GPHN: variants seen among roughly 807,000 people sequenced by gnomAD.
GPHN encodes the protein gephyrin.
A neutral mutation model predicts 95.5 loss-of-function variants in GPHN; 17 were observed. The ratio of observed to expected loss-of-function variants is 0.18; its 90% confidence interval spans 0.12 to 0.27. The LOEUF is 0.27. Ranked by LOEUF, GPHN falls within the 10% of genes least tolerant of loss-of-function variation. GPHN has a pLI of 1.00. For missense variants in GPHN, 660 were observed against 978.1 expected, an observed-to-expected ratio of 0.67 and a Z score of 4.34; for synonymous variants, 320 against 322.5, an observed-to-expected ratio of 0.99 and a Z score of 0.08.
At chr14:66,622,084 C>T (rs1050236840) in intron 1 of GPHN, among the ~76,000 whole-genome samples, 1 of 152,216 alleles carries the variant, frequency 6.6e-6, no homozygotes, top group Non-Finnish European at 1.5e-5. Context: ...CAGCAAACTT[C>T]TGCCTGGACA....
At chr14:67,160,161 A>G (rs1178036247) in intron 19 of GPHN, among the ~76,000 whole-genome samples, 1 of 151,990 alleles carries the variant, frequency 6.6e-6, no homozygotes, top group Non-Finnish European at 1.5e-5. Context: ...AAATGAGAAC[A>G]TTTTCTGCCC....
intron 13 of GPHN, among the ~76,000 whole-genome samples, chr14:67,102,099 C>T (rs1022197983): frequency 6.6e-6 from 1 of 151,734 alleles, no homozygotes; most frequent in Admixed American, 6.6e-5. Context: ...GTCTCGATCT[C>T]CTGACCTCGT....
At chr14:66,588,790 C>A (rs2061523558) in intron 1 of GPHN, among the ~76,000 whole-genome samples, 1 of 152,120 alleles carries the variant, frequency 6.6e-6, no homozygotes, top group Admixed American at 6.5e-5. Context: ...GAGAATGGAA[C>A]CACACTGGAA....
intron 1 of GPHN, among the ~76,000 whole-genome samples, chr14:66,542,188 G>C (rs2059377704): frequency 6.6e-6 from 1 of 152,130 alleles, no homozygotes; most frequent in African/African-American, 2.4e-5. Context: ...TACGTCGAGA[G>C]GAAAATGCAG....
At chr14:67,021,439 A>G (rs2073623606) in intron 9 of GPHN, among the ~76,000 whole-genome samples, 1 of 152,132 alleles carries the variant, frequency 6.6e-6, no homozygotes, top group African/African-American at 2.4e-5. Flanking sequence ...TGTTTGAAAT[A>G]TGTAGTTCTA....
rs373140143 is a variant in GPHN at position 66,596,901 on chromosome 14, A to T, written c.65-84206A>T. On this transcript the variant is annotated intron_variant, in intron 1 of 22. Coordinates refer to ENST00000478722, the MANE Select transcript of GPHN (RefSeq NM_020806.5). ...GCACAGCCCCAGCTGTGCCTCCCCC[A>T]CTGCATCTGGTGTCATTGATGATGC... Among the ~76,000 whole-genome samples the T allele has an allele frequency of 4.6e-5, 7 of 152,260 alleles. No homozygotes were observed. The South Asian group carries it at 8.3e-4, about 18-fold the overall frequency.
chr14:66,965,216 G>C lies in GPHN; in HGVS notation c.854G>C (p.Gly285Ala). Reference protein sequence around the residue: ...ERIPDSIISRGVQVLPRDTAS... With the variant: ...ERIPDSIISRAVQVLPRDTAS... ...ATTCCAGACTCCATCATTTCTCGTG[G>C]TGTTCAGGTGCTCCCACGAGACACA... Residue 285 changes from glycine (G) to alanine (A), a missense_variant, in exon 9 of 23, where the codon GGT becomes GCT. Around this residue, in one of 6 missense-constraint regions of GPHN, gnomAD observed 190 missense variants for 224.7 expected, o/e 0.85. Coordinates refer to ENST00000478722, the MANE Select transcript of GPHN (RefSeq NM_020806.5). 6.2e-7 allele frequency: 1 copy of C among 1,611,800 alleles called. No homozygotes were observed. Among genetic ancestry groups the C allele is most frequent in the Non-Finnish European group, 8.5e-7 (1 of 1,178,012 alleles).
intron 1 of GPHN, among the ~76,000 whole-genome samples, chr14:66,548,671 T>G (rs534197199): frequency 6.6e-6 from 1 of 152,328 alleles, no homozygotes; most frequent in East Asian, 1.9e-4. Flanking sequence ...AATCCTACAG[T>G]GGCCTCTAGG....
At chr14:66,832,910 G>A (rs2061635107) in intron 4 of GPHN, among the ~76,000 whole-genome samples, 1 of 152,106 alleles carries the variant, frequency 6.6e-6, no homozygotes, top group African/African-American at 2.4e-5. Flanking sequence ...AGACCTTAAA[G>A]GTAGGAGTAA....
the GPHN span, chr14:67,569,305 G>C: frequency 1.1e-6 from 1 of 923,598 alleles, no homozygotes; most frequent in Non-Finnish European, 1.7e-6. Context: ...GCAACACCCA[G>C]GGCCAGGGTT....
Position 67,007,340 on chromosome 14 carries a change from C to A in GPHN, c.964-16293C>A, listed in dbSNP as rs2072673397. On this transcript the variant is annotated intron_variant, in intron 9 of 22. Transcript: ENST00000478722. ...ATTAATGTAAATACAGTAATTGAACCACACAACTGTCAGTTCCTCCATCCT... is the reference window on the plus strand; with the variant it reads ...ATTAATGTAAATACAGTAATTGAACAACACAACTGTCAGTTCCTCCATCCT... Among the ~76,000 whole-genome samples, 4 of 152,206 alleles carry A rather than the reference C, an allele frequency of 2.6e-5. No individual in the cohort carries two copies. In the South Asian group the frequency reaches 8.3e-4, roughly 32 times the overall value.
chr14:67,510,372 A>G, the GPHN span, among the ~76,000 whole-genome samples: 4 of 152,206 alleles, frequency 2.6e-5, no homozygotes, highest in African/African-American at 9.6e-5. Flanking sequence ...TTTGCCAACC[A>G]TCAGCTCACA....
chr14:66,957,312 C>G (rs1157324279), intron 8 of GPHN, among the ~76,000 whole-genome samples: 1 of 149,802 alleles, frequency 6.7e-6, no homozygotes, highest in Non-Finnish European at 1.5e-5. Flanking sequence ...TCTCCTACCT[C>G]AGCCTCCCAG....
intron 3 of GPHN, among the ~76,000 whole-genome samples, chr14:66,821,507 A>AC (rs2061188948): frequency 6.6e-6 from 1 of 152,206 alleles, no homozygotes; most frequent in Non-Finnish European, 1.5e-5. Flanking sequence ...AATCCTTGAG[A>AC]CCAGAGATAC....
chr14:67,573,476 G>T, the GPHN span: 167,156 of 900,412 alleles, frequency 0.19, 16,305 homozygotes, highest in Middle Eastern at 0.25. The surrounding 1 kb of genome is among the most constrained non-coding windows in gnomAD (Gnocchi z 4.8). Context: ...GGGGAATGTG[G>T]CCCAAGGCCA....
chr14:67,581,986 A>T, the GPHN span: 1 of 1,359,044 alleles, frequency 7.4e-7, no homozygotes, highest in Non-Finnish European at 1.0e-6. Flanking sequence ...TCTTTTTGGA[A>T]ATAAAGGTAA....
the GPHN span, among the ~76,000 whole-genome samples, chr14:67,707,009 A>T: frequency 6.6e-6 from 1 of 152,228 alleles, no homozygotes; most frequent in East Asian, 1.9e-4. Flanking sequence ...TATAGGCCAC[A>T]TTACTCTGTA....
At chr14:67,464,508 A>G in the GPHN span, among the ~76,000 whole-genome samples, 1 of 149,712 alleles carries the variant, frequency 6.7e-6, no homozygotes, top group Non-Finnish European at 1.5e-5. Context: ...ACTCCTCCTC[A>G]CCCTCGCCCC....
At chr14:67,273,797 T>C in the GPHN span, among the ~76,000 whole-genome samples, 1 of 152,230 alleles carries the variant, frequency 6.6e-6, no homozygotes, top group East Asian at 1.9e-4. Context: ...GTTTCCGACT[T>C]TTTAATGATC....
Sources: gnomAD v4.1 joint callset for allele counts (sites outside exome capture counted in the v4.1 genomes callset) on GRCh38, gnomAD v4.1.1 for gene constraint, gnomAD v4.1.1 regional missense constraint, Gnocchi (gnomAD v3.1) non-coding constraint, MANE v1.5 for transcripts, NCBI Gene and HGNC (gene_info 2026-07-23, HGNC 2026-07-21) for gene names.